The following FSTL4 variants were observed in gnomAD, a reference collection of about 807,000 sequenced individuals.
The protein encoded by FSTL4 is follistatin like 4, also known as follistatin-related protein 4.
Under a neutral mutation model 78.2 loss-of-function variants are expected in FSTL4, and 28 were observed. The ratio of observed to expected loss-of-function variants is 0.36; its 90% CI spans 0.27 to 0.49. The LOEUF (loss-of-function observed/expected upper bound fraction) is 0.49, where lower values mean the gene tolerates loss of function less well. Among genes scored for constraint, FSTL4 ranks in the 20% least tolerant of loss-of-function variants. The probability of loss-of-function intolerance (pLI) is 0.98; values close to 1 mark genes in which losing one functional copy is unlikely to be tolerated. For synonymous variants in FSTL4, 422 were observed against 440.5 expected (o/e 0.96, Z 0.53); for missense variants, 922 against 1,084.9 (o/e 0.85, Z 2.11).
At chr5:133,684,648 T>C in the FSTL4 span, among the ~76,000 whole-genome samples, 1 of 152,178 alleles carries the variant, frequency 6.6e-6, no homozygotes, top group African/African-American at 2.4e-5. Context: ...GGACTCATCA[T>C]TGAGATATAG....
At chr5:133,831,973 G>A in the FSTL4 span, among the ~76,000 whole-genome samples, 89 of 152,304 alleles carry the variant, frequency 5.8e-4, 2 homozygotes, top group East Asian at 0.016. Flanking sequence ...GAGCTCCAGG[G>A]AGGGAAGCTG....
At chr5:133,464,684 G>A (rs1349570229) in intron 3 of FSTL4, among the ~76,000 whole-genome samples, 1 of 152,214 alleles carries the variant, frequency 6.6e-6, no homozygotes, top group Non-Finnish European at 1.5e-5. Context: ...GGAAGCCTGG[G>A]GAAAACTTGG....
intron 6 of FSTL4, among the ~76,000 whole-genome samples, chr5:133,283,659 C>A (rs1753062191): frequency 1.3e-5 from 2 of 152,116 alleles, no homozygotes; most frequent in Non-Finnish European, 2.9e-5. Context: ...GTGCATTTGC[C>A]AGGGGCAGTG....
chr5:133,821,277 G>T, the FSTL4 span, among the ~76,000 whole-genome samples: 3 of 152,156 alleles, frequency 2.0e-5, no homozygotes, highest in East Asian at 5.8e-4. Context: ...TTCTCATCTG[G>T]TTCTTGATCA....
At chr5:133,325,282 C>T (rs887535675) in intron 4 of FSTL4, among the ~76,000 whole-genome samples, 2 of 152,110 alleles carry the variant, frequency 1.3e-5, no homozygotes, top group Admixed American at 6.5e-5. Context: ...TGAACAGAGC[C>T]GACCCTGTGG....
At position 133,233,507 on chromosome 5, in the gene FSTL4, T is replaced by G. The variant is rs200042001; in HGVS notation, c.925A>C (p.Thr309Pro). Residue 309 changes from threonine to proline, a missense_variant, in exon 8 of 16, where the codon ACC (threonine) becomes CCC (proline). Transcript: ENST00000265342. ...DFGEDDSLYI[T>P]KVTTIHMGNY... ...CCCATGTGGATGGTGGTCACCTTGG[T>G]GATGTACAGGGAATCATCCTCTCCA... 3 of 1,614,186 alleles carry G rather than the reference T, an allele frequency of 1.9e-6. No homozygotes were observed. Among genetic ancestry groups the G allele is most frequent in the Non-Finnish European group, 2.5e-6 (3 of 1,179,994 alleles).
At chr5:133,571,243 A>G (rs992276847) in intron 2 of FSTL4, among the ~76,000 whole-genome samples, 2 of 152,198 alleles carry the variant, frequency 1.3e-5, no homozygotes, top group African/African-American at 4.8e-5. Flanking sequence ...TATATTCTCA[A>G]ATTATTCCTA....
rs1364951511 is a variant in FSTL4, at chr5:133,225,899, C to T, written c.1016-80G>A. On this transcript the variant is annotated intron_variant, in intron 8 of 15. Coordinates refer to ENST00000265342, the MANE Select transcript of FSTL4 (RefSeq NM_015082.2). This position sits in a 1 kb window ranked among gnomAD's most constrained non-coding sequence, Gnocchi z 4.6. The stretch of plus-strand genomic sequence containing the variant: ...GCCTGTGGCCCAACCTGAGACCCTG[C>T]TCCAGAGGGGGTGAACCCAAGTAGG... The T allele has an allele frequency of 1.3e-5, 15 of 1,180,660 alleles. No individual in the cohort carries two copies. The highest frequency in any genetic ancestry group is 2.7e-5 in the Admixed American group (1 of 37,144). 73.1% of individuals were successfully genotyped at this position (1,180,660 alleles called of 1,614,324 possible).
At chr5:133,289,203 C>T (rs1753202118) in intron 6 of FSTL4, among the ~76,000 whole-genome samples, 1 of 152,208 alleles carries the variant, frequency 6.6e-6, no homozygotes, top group Non-Finnish European at 1.5e-5. Context: ...ACCCCAACTG[C>T]CCCGCTATTG....
At chr5:133,211,477 C>CTT (rs1168109245) in intron 13 of FSTL4, among the ~76,000 whole-genome samples, 1 of 152,148 alleles carries the variant, frequency 6.6e-6, no homozygotes, top group Non-Finnish European at 1.5e-5. Context: ...CCACCTTATA[C>CTT]TTTGTTTTAT....
chr5:133,784,133 T>A, the FSTL4 span, among the ~76,000 whole-genome samples: 8 of 152,030 alleles, frequency 5.3e-5, no homozygotes, highest in Non-Finnish European at 1.2e-4. Context: ...CTCCCTAACA[T>A]GAGAAGCTTT....
In FSTL4 at chr5:133,542,113, T is replaced by A. The variant is rs13361176; in HGVS notation, c.160+25073A>T. Among the ~76,000 whole-genome samples, 1,308 of 152,290 alleles carry A rather than the reference T, an allele frequency of 8.6e-3. 16 individuals carry two copies. Among genetic ancestry groups the A allele is most frequent in the African/African-American group, 0.029 (1,218 of 41,568 alleles). On this transcript the variant is annotated intron_variant, in intron 3 of 15. Coordinates refer to ENST00000265342, the MANE Select transcript of FSTL4 (RefSeq NM_015082.2). ...ATACATTTATTATTTGCTACTGGTT[T>A]AAAAAAAATGGTGTTTGAAGTTAAA...
chr5:133,404,226 C>G (rs752612200), intron 3 of FSTL4, among the ~76,000 whole-genome samples: 9 of 152,234 alleles, frequency 5.9e-5, no homozygotes, highest in Non-Finnish European at 1.2e-4. Flanking sequence ...TACACAGATG[C>G]TGACCCAGGG....
the FSTL4 span, among the ~76,000 whole-genome samples, chr5:133,675,874 C>G: frequency 1.3e-5 from 2 of 152,292 alleles, no homozygotes; most frequent in South Asian, 2.1e-4. Context: ...CTGAGGCTAG[C>G]CAGGGGAAGC....
the FSTL4 span, among the ~76,000 whole-genome samples, chr5:133,757,997 C>G: frequency 1.3e-5 from 2 of 152,174 alleles, no homozygotes; most frequent in African/African-American, 4.8e-5. Context: ...TGCACACACT[C>G]TTAATACACA....
rs542279147 is a variant in FSTL4, at chr5:133,296,887, G to A, written c.727+15767C>T. 9.7e-4 allele frequency among the ~76,000 whole-genome samples: 148 copies of A among 152,304 alleles called. 1 individual carries two copies. The highest frequency in any genetic ancestry group is 3.4e-3 in the African/African-American group (140 of 41,562). On this transcript the variant is annotated intron_variant, in intron 6 of 15. Transcript: ENST00000265342. ...CCAGGAAGTATTTGTGTGAATGACC[G>A]CACACTGCCTCCAGGGCTAAGCACT... is the stretch of plus-strand genomic sequence containing the variant.
At chr5:133,652,573 A>G in the FSTL4 span, among the ~76,000 whole-genome samples, 3 of 151,686 alleles carry the variant, frequency 2.0e-5, no homozygotes, top group Admixed American at 6.6e-5. Flanking sequence ...CTATGTTTTT[A>G]TTTACTTTTA....
chr5:133,716,481 T>C, the FSTL4 span, among the ~76,000 whole-genome samples: 1 of 151,992 alleles, frequency 6.6e-6, no homozygotes, highest in African/African-American at 2.4e-5. Flanking sequence ...TTCATACCCC[T>C]CCTTAACTGG....
chr5:133,402,567 G>A (rs924807817), intron 3 of FSTL4, among the ~76,000 whole-genome samples: 10 of 151,144 alleles, frequency 6.6e-5, no homozygotes, highest in African/African-American at 1.9e-4. Context: ...CTACCCATGG[G>A]ATTAAAATGT....
Sources: allele counts gnomAD v4.1 joint callset (sites outside exome capture counted in the v4.1 genomes callset), GRCh38; gene constraint gnomAD v4.1.1; non-coding constraint Gnocchi (gnomAD v3.1); transcripts MANE v1.5; gene names NCBI Gene and HGNC (gene_info 2026-07-23, HGNC 2026-07-21).